The following DNAI4 variants were observed in gnomAD, a reference collection of about 807,000 sequenced individuals.
DNAI4 encodes dynein axonemal intermediate chain 4, also known as WD repeat domain 78.
A neutral mutation model predicts 105.8 loss-of-function variants in DNAI4; 85 were observed. That is an observed-to-expected ratio of 0.80 (90% CI 0.67 to 0.96). The LOEUF (loss-of-function observed/expected upper bound fraction) is 0.96. Among genes scored for constraint, DNAI4 ranks in the 40% least tolerant of loss-of-function variants. The pLI, the probability that DNAI4 is intolerant of heterozygous loss-of-function variation, is 0.00. For synonymous variants in DNAI4, 352 were observed against 331.5 expected, an observed-to-expected ratio of 1.06 and a Z score of -0.67; for missense variants, 1,014 against 1,005.6, an observed-to-expected ratio of 1.01 and a Z score of -0.11.
intron 2 of DNAI4, among the ~76,000 whole-genome samples, chr1:66,895,318 A>C (rs1022957945): frequency 7.9e-5 from 12 of 152,278 alleles, no homozygotes; most frequent in African/African-American, 1.9e-4. Flanking sequence ...GTCTTTACCA[A>C]AAATTTGAGA....
At chr1:66,823,278 T>C (rs1373587537) in intron 15 of DNAI4, among the ~76,000 whole-genome samples, 7 of 151,084 alleles carry the variant, frequency 4.6e-5, no homozygotes, top group Non-Finnish European at 4.4e-5. Context: ...ATGGTGTATA[T>C]GTGCCACATT....
chr1:66,907,247 C>T (rs1649326351), intron 1 of DNAI4, among the ~76,000 whole-genome samples: 1 of 152,162 alleles, frequency 6.6e-6, no homozygotes, highest in African/African-American at 2.4e-5. Flanking sequence ...TTCTCAGATT[C>T]GTTTCTGTCA....
intron 7 of DNAI4, among the ~76,000 whole-genome samples, chr1:66,858,750 C>A (rs926062160): frequency 3.3e-5 from 5 of 151,976 alleles, no homozygotes; most frequent in African/African-American, 9.7e-5. Flanking sequence ...TGACGAAATT[C>A]ATTGCACATT....
intron 15 of DNAI4, among the ~76,000 whole-genome samples, chr1:66,823,137 C>T (rs1645670689): frequency 1.5e-5 from 2 of 134,462 alleles, no homozygotes; most frequent in Admixed American, 7.4e-5. Flanking sequence ...CAGTTCCCAC[C>T]TACGAGTGAC....
At chr1:66,921,693 G>A (rs1650490447) in intron 1 of DNAI4, among the ~76,000 whole-genome samples, 1 of 151,820 alleles carries the variant, frequency 6.6e-6, no homozygotes, top group African/African-American at 2.4e-5. Context: ...ATACCTTAAG[G>A]TGAAAACAAA....
Position 66,874,937 on chromosome 1 carries a change from T to A in DNAI4, c.644A>T (p.Asp215Val), listed in dbSNP as rs201697146. 21 of 1,587,396 alleles carry A rather than the reference T, an allele frequency of 1.3e-5. No homozygotes were observed. The African/African-American group carries it at 2.2e-4, about 17-fold the overall frequency. ...AGGTGCTGCCCTTATAACTTGCAAA[T>A]CTAAAATACATGACTTAATTAAAAT... ...YKRERLTSFTDLQVIRAAPEK... is the reference protein window; with the variant it reads ...YKRERLTSFTVLQVIRAAPEK... Residue 215 changes from aspartate to valine, a missense_variant and splice_region_variant, in exon 5 of 17, where the codon GAT (aspartate) becomes GTT (valine). Coordinates refer to ENST00000371026, the MANE Select transcript of DNAI4 (RefSeq NM_024763.5).
In DNAI4 at chr1:66,856,190, C is replaced by T. The variant is rs1018930405; in HGVS notation, c.1096+5957G>A. Among the ~76,000 whole-genome samples the T allele has an allele frequency of 1.1e-4, 16 of 149,986 alleles. 1 individual carries two copies. The highest frequency in any genetic ancestry group is 8.3e-4 in the East Asian group (4 of 4,830). ...ACTGGATCTAAATAACACTTATAGG[C>T]GGGGCACAGTGGCTCAAGCCTGTAA... On this transcript the variant is annotated intron_variant, in intron 7 of 16. Transcript: ENST00000371026.
chr1:66,888,475 A>C (rs1171729989), intron 4 of DNAI4, among the ~76,000 whole-genome samples: 1 of 152,190 alleles, frequency 6.6e-6, no homozygotes, highest in Non-Finnish European at 1.5e-5. Flanking sequence ...CAGGCAGATC[A>C]CGAGGTCAGC....
At chr1:66,893,063 G>GAGAGAGAGAGAAAGAAAGAAAGAAAGAA (rs879150798) in intron 3 of DNAI4, among the ~76,000 whole-genome samples, 166 bp downstream of exon 3, 5 of 89,544 alleles carry the variant, frequency 5.6e-5, no homozygotes, top group African/African-American at 2.4e-4. Context: ...AAGAGAGAGA[G>GAGAGAGAGAGAAAGAAAGAAAGAAAGAA]AGAAAGAAAG....
intron 1 of DNAI4, among the ~76,000 whole-genome samples, chr1:66,919,435 C>G (rs184504496): frequency 1.2e-3 from 176 of 152,320 alleles, no homozygotes; most frequent in African/African-American, 3.9e-3. Flanking sequence ...AACAGAGAAT[C>G]ACAACCTACT....
In DNAI4 at chr1:66,827,063, A is replaced by T. The variant is rs756568780; in HGVS notation, c.2113-17T>A. The T allele has an allele frequency of 5.1e-6, 8 of 1,566,014 alleles. No homozygotes were observed. The highest frequency in any genetic ancestry group is 6.9e-6 in the Non-Finnish European group (8 of 1,151,342). Reference sequence around the variant, plus strand: ...CACTGGACCCTAGAAATAAAAAAAAAATACATAGGTAAATAATATTTAACA... The same window carrying T: ...CACTGGACCCTAGAAATAAAAAAAATATACATAGGTAAATAATATTTAACA... On this transcript the variant is annotated splice_polypyrimidine_tract_variant and intron_variant, in intron 14 of 16. Coordinates refer to ENST00000371026, the MANE Select transcript of DNAI4 (RefSeq NM_024763.5).
Position 66,836,209 on chromosome 1 carries a change from A to AAAGG in DNAI4, c.1582-433_1582-432insCCTT, listed in dbSNP as rs1557908311. 2.3e-4 allele frequency among the ~76,000 whole-genome samples: 10 copies of AAAGG among 42,598 alleles called. 1 individual carries two copies. Among genetic ancestry groups the AAAGG allele is most frequent in the Admixed American group, 1.5e-3 (6 of 4,128 alleles). The allele number at this position is 42,598 out of a possible 152,430, so 27.9% of individuals were successfully genotyped here. On this transcript the variant is annotated intron_variant, in intron 10 of 16. Transcript: ENST00000371026. ...GAAAGAAAGAAAGAAAGAAAGAAAG[A>AAAGG]GAGAGAGAGAGAGAGAGAGAGAGAG...
intron 13 of DNAI4, among the ~76,000 whole-genome samples, chr1:66,831,213 C>A (rs1174049595): frequency 6.6e-6 from 1 of 151,852 alleles, no homozygotes; most frequent in East Asian, 1.9e-4. Flanking sequence ...AAGAAAACTC[C>A]AGGCCCAGAT....
chr1:66,887,950 C>T (rs1162369981), intron 4 of DNAI4, among the ~76,000 whole-genome samples: 2 of 151,714 alleles, frequency 1.3e-5, no homozygotes, highest in Non-Finnish European at 2.9e-5. Flanking sequence ...CAGAGCGAGA[C>T]TTTGTCTCAA....
At chr1:66,867,738 T>C (rs574817539) in intron 6 of DNAI4, among the ~76,000 whole-genome samples, 1 of 152,280 alleles carries the variant, frequency 6.6e-6, no homozygotes, top group East Asian at 1.9e-4. Context: ...TAGACACTAA[T>C]GTCACCTACA....
At chr1:66,854,870 T>C (rs1316758752) in intron 7 of DNAI4, among the ~76,000 whole-genome samples, 2 of 152,162 alleles carry the variant, frequency 1.3e-5, no homozygotes, top group African/African-American at 4.8e-5. Context: ...GAGATCTAAA[T>C]AAATGGAGAG....
intron 6 of DNAI4, among the ~76,000 whole-genome samples, chr1:66,867,690 A>G (rs1646761362): frequency 6.6e-6 from 1 of 152,082 alleles, no homozygotes; most frequent in African/African-American, 2.4e-5. Flanking sequence ...ATCATCCTGG[A>G]ACTATTTTTT....
chr1:66,874,859 G>A lies in DNAI4; in HGVS notation c.722C>T (p.Thr241Ile), dbSNP rs1646928162. Residue 241 changes from threonine (T) to isoleucine (I), a missense_variant, in exon 5 of 17, where the codon ACA becomes ATA. Thr to Ile is a moderately conservative substitution (Grantham distance 89). Transcript: ENST00000371026. ...DLEKNIEIIL[T>I]ETETLRFFDL... ...AAAAAATCTCAGTGTTTCTGTCTCT[G>A]TGAGTATTATCTCTATATTCTTCTC... The A allele has an allele frequency of 6.2e-7, 1 of 1,613,534 alleles. No homozygotes were observed. Among genetic ancestry groups the A allele is most frequent in the Admixed American group, 1.7e-5 (1 of 59,972 alleles).
chr1:66,841,694 T>C (rs1383666378), intron 8 of DNAI4, among the ~76,000 whole-genome samples: 1 of 152,136 alleles, frequency 6.6e-6, no homozygotes, highest in Non-Finnish European at 1.5e-5. Context: ...TTTCTACATA[T>C]GCCACATATG....
Sources: gnomAD v4.1 joint callset for allele counts (sites outside exome capture counted in the v4.1 genomes callset) on GRCh38, gnomAD v4.1.1 for gene constraint, MANE v1.5 for transcripts, NCBI Gene and HGNC (gene_info 2026-07-23, HGNC 2026-07-21) for gene names.